PAK2: variants seen among roughly 807,000 people sequenced by gnomAD.
PAK2 encodes serine/threonine-protein kinase PAK 2.
Under a neutral mutation model 65.9 loss-of-function variants are expected in PAK2, and 21 were observed. That is an observed-to-expected ratio of 0.32 (90% CI 0.23 to 0.46). The LOEUF (loss-of-function observed/expected upper bound fraction) is 0.46, where lower values mean the gene tolerates loss of function less well. Among genes scored for constraint, PAK2 ranks in the 20% least tolerant of loss-of-function variants. The probability of loss-of-function intolerance (pLI) is 1.00; values close to 1 mark genes in which losing one functional copy is unlikely to be tolerated. For synonymous variants in PAK2, 204 were observed against 219.7 expected (o/e 0.93, Z 0.63); for missense variants, 324 against 642.6 (o/e 0.50, Z 5.36).
chr3:196,761,779 C>T (rs1308868575), intron 1 of PAK2, among the ~76,000 whole-genome samples: 4 of 141,794 alleles, frequency 2.8e-5, no homozygotes, highest in East Asian at 2.2e-4. Context: ...GCTGGCCGGG[C>T]GGGGGGCTGA....
intron 2 of PAK2, among the ~76,000 whole-genome samples, chr3:196,785,340 A>G (rs1714851895): frequency 1.3e-5 from 2 of 152,274 alleles, no homozygotes; most frequent in South Asian, 4.1e-4. Context: ...TCATTCAGAG[A>G]TGTATATTTA....
At chr3:196,789,931 C>T (rs985964521) in intron 2 of PAK2, among the ~76,000 whole-genome samples, 1 of 152,208 alleles carries the variant, frequency 6.6e-6, no homozygotes, top group Non-Finnish European at 1.5e-5. Flanking sequence ...TCTAATGCTG[C>T]CACTGATCTG....
chr3:196,792,514 CT>C (rs1184924812), intron 2 of PAK2, among the ~76,000 whole-genome samples: 2 of 152,150 alleles, frequency 1.3e-5, no homozygotes, highest in Admixed American at 1.3e-4. Context: ...GACCAGATCT[CT>C]TTTAAGTTAC....
At chr3:196,826,439 T>C (rs1420081187) in intron 13 of PAK2, among the ~76,000 whole-genome samples, 1 of 152,090 alleles carries the variant, frequency 6.6e-6, no homozygotes, top group African/African-American at 2.4e-5. Context: ...CCCAAAGTAC[T>C]GGGATTACAG....
intron 2 of PAK2, 125 bp from the exon 3 acceptor site, chr3:196,801,802 C>T: frequency 3.4e-6 from 2 of 582,472 alleles, no homozygotes; most frequent in East Asian, 3.0e-5. Context: ...CACTGCACTC[C>T]AGCCTGGGCA....
intron 1 of PAK2, among the ~76,000 whole-genome samples, chr3:196,749,821 T>C (rs896139542): frequency 8.3e-6 from 1 of 120,102 alleles, no homozygotes; most frequent in Middle Eastern, 3.9e-3. Flanking sequence ...AGTGTTTCAT[T>C]GTTTTCTGTT....
chr3:196,819,000 C>T (rs945057704), intron 12 of PAK2, among the ~76,000 whole-genome samples: 2 of 152,142 alleles, frequency 1.3e-5, no homozygotes, highest in Non-Finnish European at 2.9e-5. Context: ...GTAGAATTCT[C>T]TCCTGTAGAA....
chr3:196,790,798 G>A (rs1480760920), intron 2 of PAK2, among the ~76,000 whole-genome samples: 1 of 152,186 alleles, frequency 6.6e-6, no homozygotes, highest in African/African-American at 2.4e-5. Context: ...AATTGACAAA[G>A]GCTTGAGTCA....
chr3:196,753,065 G>A (rs1273422681), intron 1 of PAK2, among the ~76,000 whole-genome samples: 1 of 146,752 alleles, frequency 6.8e-6, no homozygotes, highest in African/African-American at 2.5e-5. Flanking sequence ...TGCAACTTCC[G>A]CCTCCCGAGT....
chr3:196,751,337 G>A lies in PAK2; in HGVS notation c.-22+11180G>A, dbSNP rs148539428. 3.3e-5 allele frequency among the ~76,000 whole-genome samples: 5 copies of A among 152,038 alleles called. No homozygotes were observed. The East Asian group carries it at 9.7e-4, about 29-fold the overall frequency. On this transcript the variant is annotated intron_variant, in intron 1 of 14. Transcript: ENST00000327134. The stretch of plus-strand genomic sequence containing the variant: ...TATGTAAGTACTTAATGCAAACCAT[G>A]TTTCGTGCACAAAATTATTTAAAAT...
At chr3:196,750,857 G>T (rs1411658910) in intron 1 of PAK2, among the ~76,000 whole-genome samples, 1 of 150,426 alleles carries the variant, frequency 6.6e-6, no homozygotes, top group East Asian at 1.9e-4. Flanking sequence ...ATTAATTGTT[G>T]CTTTTTTTAA....
chr3:196,756,231 G>T (rs1314138275), intron 1 of PAK2, among the ~76,000 whole-genome samples: 1 of 151,968 alleles, frequency 6.6e-6, no homozygotes. Flanking sequence ...AAGAAAAAGA[G>T]AAAAAAGGGT....
intron 3 of PAK2, among the ~76,000 whole-genome samples, chr3:196,802,264 G>T (rs760784176): frequency 6.6e-5 from 10 of 152,110 alleles, no homozygotes; most frequent in Non-Finnish European, 1.2e-4. Context: ...AGCCAAGCGT[G>T]GGGGTGTATG....
intron 2 of PAK2, among the ~76,000 whole-genome samples, chr3:196,798,953 G>C (rs1404328176): frequency 6.6e-6 from 1 of 152,048 alleles, no homozygotes; most frequent in Non-Finnish European, 1.5e-5. Context: ...AGGGTAAAAA[G>C]AATGACAGTT....
At chr3:196,770,829 ACC>A (rs1714338727) in intron 1 of PAK2, among the ~76,000 whole-genome samples, 1 of 151,790 alleles carries the variant, frequency 6.6e-6, no homozygotes, top group Non-Finnish European at 1.5e-5. Context: ...CACTATGTTG[ACC>A]AGGCTGGTCT....
At chr3:196,811,201 C>CCCTTCCCTCCCTTCCTTTCCTT (rs1715778553) in intron 8 of PAK2, among the ~76,000 whole-genome samples, 1 of 38,888 alleles carries the variant, frequency 2.6e-5, no homozygotes, top group African/African-American at 9.6e-5. Context: ...ATTCCTTCCT[C>CCCTTCCCTCCCTTCCTTTCCTT]CCTTCCTTCC....
intron 2 of PAK2, among the ~76,000 whole-genome samples, chr3:196,799,955 A>G (rs1212789606): frequency 1.3e-5 from 2 of 152,246 alleles, no homozygotes. Context: ...AGGCAGTGGT[A>G]TTCTGATAAA....
intron 1 of PAK2, among the ~76,000 whole-genome samples, chr3:196,757,743 G>A (rs1335982380): frequency 2.6e-5 from 4 of 152,096 alleles, no homozygotes; most frequent in Non-Finnish European, 5.9e-5. Context: ...TGGTACTTAT[G>A]TTCCTGTTGC....
chr3:196,830,436 AAAG>A lies in PAK2; in HGVS notation c.*2036_*2038del, dbSNP rs1316004293. 2.0e-5 allele frequency: 3 copies of A among 152,204 alleles called. No individual in the cohort carries two copies. The highest frequency in any genetic ancestry group is 4.4e-5 in the Non-Finnish European group (3 of 68,040). The allele number at this position is 152,204 out of a possible 1,614,324, so 9.4% of individuals were successfully genotyped here. A position where few individuals can be genotyped will look rare whatever the true frequency, so the allele number is the denominator to read the frequency against. On this transcript the variant is annotated 3_prime_UTR_variant, in exon 15 of 15. Coordinates refer to ENST00000327134, the MANE Select transcript of PAK2 (RefSeq NM_002577.4). ...TGTAAACAGTTGGATGGATTATGAT[AAAG>A]AAGATGCTACCAATGAAATAGAAAA...
Sources: allele counts gnomAD v4.1 joint callset (sites outside exome capture counted in the v4.1 genomes callset), GRCh38; gene constraint gnomAD v4.1.1; transcripts MANE v1.5; gene names NCBI Gene and HGNC (gene_info 2026-07-23, HGNC 2026-07-21).